Variants in RPS6KA2 observed in about 807,000 individuals in gnomAD.
RPS6KA2 encodes ribosomal protein S6 kinase alpha-2.
In RPS6KA2, 42 loss-of-function variants were observed where a neutral mutation model predicts 91.8. The observed-to-expected ratio is 0.46, with a 90% CI of 0.36 to 0.59. The LOEUF is 0.59. Ranked by LOEUF, RPS6KA2 falls within the 20% of genes least tolerant of loss-of-function variation. The probability of loss-of-function intolerance (pLI) is 0.00; values close to 1 mark genes in which losing one functional copy is unlikely to be tolerated. For synonymous variants in RPS6KA2, 414 were observed against 393.6 expected, an observed-to-expected ratio of 1.05 and a Z score of -0.61; for missense variants, 798 against 978.5, an observed-to-expected ratio of 0.82 and a Z score of 2.46.
chr6:166,694,569 G>A (rs571712304), intron 2 of RPS6KA2, among the ~76,000 whole-genome samples: 1 of 152,236 alleles, frequency 6.6e-6, no homozygotes, highest in Non-Finnish European at 1.5e-5. Context: ...TGACCACCTG[G>A]TAACTGGGCA....
chr6:166,715,530 C>T (rs545710959), intron 2 of RPS6KA2, among the ~76,000 whole-genome samples: 19 of 152,346 alleles, frequency 1.2e-4, no homozygotes, highest in Non-Finnish European at 2.5e-4. Flanking sequence ...AATCCAACAA[C>T]AGATGCAAGC....
At chr6:166,819,379 T>C (rs1022307516) in intron 2 of RPS6KA2, among the ~76,000 whole-genome samples, 12 of 152,294 alleles carry the variant, frequency 7.9e-5, no homozygotes, top group African/African-American at 2.9e-4. Flanking sequence ...CTGTTGGGGA[T>C]TGGTTCCAAG....
chr6:166,426,216 G>A (rs1195289213), intron 16 of RPS6KA2, among the ~76,000 whole-genome samples: 3 of 151,156 alleles, frequency 2.0e-5, no homozygotes, highest in African/African-American at 2.4e-5. Flanking sequence ...GGTACATAAC[G>A]AAATGAAGGC....
At chr6:166,610,457 T>C (rs1489232560) in intron 1 of RPS6KA2, among the ~76,000 whole-genome samples, 1 of 152,244 alleles carries the variant, frequency 6.6e-6, no homozygotes, top group Non-Finnish European at 1.5e-5. Context: ...TCATGATGGT[T>C]AATACAGATA....
Position 166,770,515 on chromosome 6 carries a change from G to A in RPS6KA2, c.123+87685C>T, listed in dbSNP as rs528696136. Among the ~76,000 whole-genome samples, 5 of 152,294 alleles carry A rather than the reference G, an allele frequency of 3.3e-5. No individual in the cohort carries two copies. The highest frequency in any genetic ancestry group is 2.1e-4 in the South Asian group (1 of 4,820). Reference sequence around the variant, plus strand: ...TAATTTCAGCTTATTTTGAAGGCACGTCGTAGTTTTAAAAGGAATATTGGA... The same window carrying A: ...TAATTTCAGCTTATTTTGAAGGCACATCGTAGTTTTAAAAGGAATATTGGA... On this transcript the variant is annotated intron_variant, in intron 2 of 21. Transcript: ENST00000503859. This position sits in a 1 kb window ranked among gnomAD's most constrained non-coding sequence, Gnocchi z 5.1.
intron 2 of RPS6KA2, among the ~76,000 whole-genome samples, chr6:166,783,359 A>T (rs184639341): frequency 6.6e-6 from 1 of 152,162 alleles, no homozygotes; most frequent in East Asian, 1.9e-4. Flanking sequence ...CTGAAGAGGA[A>T]GGAACTCTGT....
chr6:166,451,013 C>A, intron 13 of RPS6KA2, 90 bp downstream of exon 13: 2 of 1,524,900 alleles, frequency 1.3e-6, no homozygotes, highest in South Asian at 2.3e-5. Context: ...GCACCCAACC[C>A]CCGGGTGACT....
At position 166,579,947 on chromosome 6, in the gene RPS6KA2, G is replaced by A. The variant is rs563460422; in HGVS notation, c.100-41163C>T. ...TGTTATCCCAGCCAAAAAGAATAGG[G>A]AATGCATAGTGACAACACCTTCCTA... On this transcript the variant is annotated intron_variant, in intron 1 of 20. Transcript: ENST00000265678. Among the ~76,000 whole-genome samples the A allele has an allele frequency of 9.7e-4, 147 of 152,298 alleles. 4 individuals are homozygous for A. Among genetic ancestry groups the A allele is most frequent in the African/African-American group, 1.1e-3 (44 of 41,570 alleles).
At chr6:166,547,817 G>A (rs1034873295) in intron 1 of RPS6KA2, among the ~76,000 whole-genome samples, 9 of 152,252 alleles carry the variant, frequency 5.9e-5, no homozygotes, top group African/African-American at 1.9e-4. Flanking sequence ...GAGTGGAAAC[G>A]CACCTGCCCT....
intron 2 of RPS6KA2, among the ~76,000 whole-genome samples, chr6:166,697,587 A>C (rs1663626442): frequency 6.6e-6 from 1 of 152,198 alleles, no homozygotes; most frequent in African/African-American, 2.4e-5. Context: ...CCACACCCTA[A>C]AAGATGGTAG....
chr6:166,794,945 C>T (rs1350836594), intron 2 of RPS6KA2, among the ~76,000 whole-genome samples: 1 of 151,718 alleles, frequency 6.6e-6, no homozygotes, highest in Non-Finnish European at 1.5e-5. Context: ...CACATGTATA[C>T]ATATGTAACA....
intron 2 of RPS6KA2, among the ~76,000 whole-genome samples, chr6:166,731,735 G>A (rs1038698632): frequency 2.0e-5 from 3 of 151,840 alleles, no homozygotes; most frequent in Admixed American, 2.0e-4. Context: ...TGTAATCTGC[G>A]ACCAGATGTA....
At chr6:166,734,433 A>G (rs565679463) in intron 2 of RPS6KA2, among the ~76,000 whole-genome samples, 1 of 152,314 alleles carries the variant, frequency 6.6e-6, no homozygotes, top group Non-Finnish European at 1.5e-5. Flanking sequence ...GGTGCTAGGA[A>G]ATAAACGTAA....
rs955925652 is a variant in RPS6KA2, at chr6:166,411,286, T to A, written c.*1476A>T. 6.6e-6 allele frequency: 1 copy of A among 152,070 alleles called. No individual in the cohort carries two copies. The highest frequency in any genetic ancestry group is 1.5e-5 in the Non-Finnish European group (1 of 67,994). The allele number at this position is 152,070 out of a possible 1,614,324, so 9.4% of individuals were successfully genotyped here. Reference sequence around the variant, plus strand: ...GAACAAAACCCAACAAAATAACATCTTCTTAGGGAAAACCTGGCTGTGGCC... The same window carrying A: ...GAACAAAACCCAACAAAATAACATCATCTTAGGGAAAACCTGGCTGTGGCC... On this transcript the variant is annotated 3_prime_UTR_variant, in exon 21 of 21. Coordinates refer to ENST00000265678, the MANE Select transcript of RPS6KA2 (RefSeq NM_021135.6). The surrounding 1 kb of genome is among the most constrained non-coding windows in gnomAD (Gnocchi z 4.5).
intron 3 of RPS6KA2, among the ~76,000 whole-genome samples, chr6:166,525,260 G>C (rs2128489473): frequency 6.6e-6 from 1 of 152,286 alleles, no homozygotes; most frequent in East Asian, 1.9e-4. Context: ...GCATTATATA[G>C]AACGGTTACC....
chr6:166,681,278 G>A (rs1028527460), intron 2 of RPS6KA2, among the ~76,000 whole-genome samples: 3 of 152,218 alleles, frequency 2.0e-5, no homozygotes, highest in Non-Finnish European at 2.9e-5. Context: ...AAAGAAGTGG[G>A]TTGCACAATG....
chr6:166,822,658 A>G (rs184150012), intron 2 of RPS6KA2, among the ~76,000 whole-genome samples: 1 of 152,126 alleles, frequency 6.6e-6, no homozygotes, highest in Non-Finnish European at 1.5e-5. Flanking sequence ...CATCCAGCTC[A>G]TGGATTATTT....
chr6:166,721,979 T>C (rs1312724604), intron 2 of RPS6KA2, among the ~76,000 whole-genome samples: 1 of 152,238 alleles, frequency 6.6e-6, no homozygotes, highest in Non-Finnish European at 1.5e-5. Context: ...ATTTCACACA[T>C]ATAGACTCAT....
Position 166,627,170 on chromosome 6 carries a change from T to A in RPS6KA2, c.-151A>T, listed in dbSNP as rs1786919063. 9.2e-7 allele frequency: 1 copy of A among 1,087,614 alleles called. No individual in the cohort carries two copies. Among genetic ancestry groups the A allele is most frequent in the South Asian group, 4.5e-5 (1 of 22,210 alleles). 67.4% of individuals were successfully genotyped at this position (1,087,614 alleles called of 1,614,324 possible). A position where few individuals can be genotyped will look rare whatever the true frequency, so the allele number is the denominator to read the frequency against. ...GCGGGGCGTGGGGCGCGAGCTGCGGTCACAAAGGGCAGGCCGCGCCGGCCA... is the reference window on the plus strand; with the variant it reads ...GCGGGGCGTGGGGCGCGAGCTGCGGACACAAAGGGCAGGCCGCGCCGGCCA... On this transcript the variant is annotated 5_prime_UTR_variant, in exon 1 of 21. Coordinates refer to ENST00000265678, the MANE Select transcript of RPS6KA2 (RefSeq NM_021135.6).
Sources: gnomAD v4.1 joint callset for allele counts (sites outside exome capture counted in the v4.1 genomes callset) on GRCh38, gnomAD v4.1.1 for gene constraint, Gnocchi (gnomAD v3.1) non-coding constraint, MANE v1.5 for transcripts, NCBI Gene and HGNC (gene_info 2026-07-23, HGNC 2026-07-21) for gene names.